CARMIL2: variants seen among roughly 807,000 people sequenced by gnomAD.
CARMIL2 encodes the protein capping protein regulator and myosin 1 linker 2.
CARMIL2 carries 96 observed loss-of-function variants against 173.3 expected under a neutral mutation model. The observed-to-expected ratio is 0.55, with a 90% CI of 0.47 to 0.66. The LOEUF is 0.66. Ranked by LOEUF, CARMIL2 falls within the 30% of genes least tolerant of loss-of-function variation. The probability of loss-of-function intolerance (pLI) is 0.00; values close to 1 mark genes in which losing one functional copy is unlikely to be tolerated. For missense variants in CARMIL2, 1,771 were observed against 1,906.7 expected (o/e 0.93, Z 1.33); for synonymous variants, 830 against 817.1 (o/e 1.02, Z -0.27).
chr16:67,651,344 C>T lies in CARMIL2; in HGVS notation c.2313+29C>T, dbSNP rs1322851558. 6.2e-7 allele frequency: 1 copy of T among 1,610,118 alleles called. No individual in the cohort carries two copies. Among genetic ancestry groups the T allele is most frequent in the African/African-American group, 1.3e-5 (1 of 74,862 alleles). On this transcript the variant is annotated intron_variant, in intron 23 of 37. Transcript: ENST00000334583. The surrounding 1 kb of genome is among the most constrained non-coding windows in gnomAD (Gnocchi z 4.2). The stretch of plus-strand genomic sequence containing the variant: ...AGCACTCCCCCTCCTGCTACAAGGA[C>T]CCTTCCCCTCTTAGTCAGGTGTCAG...
rs376791481 is a variant in CARMIL2 at position 67,649,397 on chromosome 16, C to T, written c.1747-50C>T. 8 of 1,609,702 alleles carry T rather than the reference C, an allele frequency of 5.0e-6. No individual in the cohort carries two copies. Among genetic ancestry groups the T allele is most frequent in the Middle Eastern group, 1.6e-4 (1 of 6,082 alleles). On this transcript the variant is annotated intron_variant, in intron 19 of 37. Transcript: ENST00000334583. This position sits in a 1 kb window ranked among gnomAD's most constrained non-coding sequence, Gnocchi z 6.7. ...TTGTTCCCTCAGACCCTGTGACCTG[C>T]CCTCACTGACCCCTGACTCCAGCCA... is the stretch of plus-strand genomic sequence containing the variant.
At position 67,652,542 on chromosome 16, in the gene CARMIL2, A is replaced by T. The variant is rs1181089424; in HGVS notation, c.2884+4A>T. The stretch of plus-strand genomic sequence containing the variant: ...CACCTGGTCCCCTTCATTCACAGTA[A>T]GTCAGGGCCTTGGGGGAGGGAGTTT... On this transcript the variant is annotated splice_donor_region_variant and intron_variant, in intron 28 of 37. Coordinates refer to ENST00000334583, the MANE Select transcript of CARMIL2 (RefSeq NM_001013838.3). This position sits in a 1 kb window ranked among gnomAD's most constrained non-coding sequence, Gnocchi z 4.7. The T allele has an allele frequency of 6.2e-7, 1 of 1,612,998 alleles. No homozygotes were observed. The highest frequency in any genetic ancestry group is 8.5e-7 in the Non-Finnish European group (1 of 1,179,604).
At position 67,652,116 on chromosome 16, in the gene CARMIL2, G is replaced by T. The variant is rs2052736463; in HGVS notation, c.2677-83G>T. On this transcript the variant is annotated intron_variant, in intron 26 of 37. Coordinates refer to ENST00000334583, the MANE Select transcript of CARMIL2 (RefSeq NM_001013838.3). This position sits in a 1 kb window ranked among gnomAD's most constrained non-coding sequence, Gnocchi z 4.7. ...GTCTTCTGGGGTCATGTAGCCCAGG[G>T]CTATTTCAGGGTCCCCTTAGTTAGC... 6.3e-7 allele frequency: 1 copy of T among 1,596,342 alleles called. No homozygotes were observed. The highest frequency in any genetic ancestry group is 1.7e-5 in the Admixed American group (1 of 59,520).
Position 67,646,376 on chromosome 16 carries a change from A to G in CARMIL2, c.375-50A>G. 6.2e-7 allele frequency: 1 copy of G among 1,607,354 alleles called. No individual in the cohort carries two copies. The highest frequency in any genetic ancestry group is 8.5e-7 in the Non-Finnish European group (1 of 1,175,496). ...GAGTGCATGAGAAGGGCTGCTTCCCATCCCAGAGGCTGGAAGTCCTTTGCC... is the reference window on the plus strand; with the variant it reads ...GAGTGCATGAGAAGGGCTGCTTCCCGTCCCAGAGGCTGGAAGTCCTTTGCC... On this transcript the variant is annotated intron_variant, in intron 5 of 37. Transcript: ENST00000334583. The surrounding 1 kb of genome is among the most constrained non-coding windows in gnomAD (Gnocchi z 4.6).
chr16:67,645,666 G>A (rs1415966557), intron 2 of CARMIL2, 35 bp downstream of exon 2: 1 of 1,612,596 alleles, frequency 6.2e-7, no homozygotes, highest in Non-Finnish European at 8.5e-7. Context: ...GGAGGCGGCT[G>A]TGGCCCCACA....
rs1160351520 is a variant in CARMIL2 at position 67,648,646 on chromosome 16, G to A, written c.1440-39G>A. On this transcript the variant is annotated intron_variant, in intron 15 of 37. Transcript: ENST00000334583. The surrounding 1 kb of genome is among the most constrained non-coding windows in gnomAD (Gnocchi z 6.1). The stretch of plus-strand genomic sequence containing the variant: ...CTTCGTTCGCACCCTGGAGCCCCCT[G>A]TCCCAGCTCCCGCCACCCCGTGTAA... 1 of 1,575,834 alleles carries A rather than the reference G, an allele frequency of 6.3e-7. No individual in the cohort carries two copies. Among genetic ancestry groups the A allele is most frequent in the Non-Finnish European group, 8.6e-7 (1 of 1,159,548 alleles).
chr16:67,648,954 C>A lies in CARMIL2; in HGVS notation c.1571C>A (p.Ser524Tyr). 1 of 1,609,874 alleles carries A rather than the reference C, an allele frequency of 6.2e-7. No individual in the cohort carries two copies. The highest frequency in any genetic ancestry group is 8.5e-7 in the Non-Finnish European group (1 of 1,178,326). The change falls in exon 17 of 38, where the codon TCC becomes TAC. Residue 524 changes from serine to tyrosine, a missense_variant. Ser to Tyr is a moderately radical substitution (Grantham distance 144). Transcript: ENST00000334583. This position sits in a 1 kb window ranked among gnomAD's most constrained non-coding sequence, Gnocchi z 6.1. ...GTGTGCGACGCAGGCGCTGTGAGCT[C>A]CCTGGATCTGGCGGATAACGGTGAG... ...DLVCDAGAVS[S>Y]LDLADNGFGS...
chr16:67,647,495 G>A lies in CARMIL2; in HGVS notation c.777-13G>A. 1.3e-6 allele frequency: 2 copies of A among 1,592,458 alleles called. No homozygotes were observed. Among genetic ancestry groups the A allele is most frequent in the Non-Finnish European group, 1.7e-6 (2 of 1,169,844 alleles). On this transcript the variant is annotated splice_polypyrimidine_tract_variant and intron_variant, in intron 10 of 37. Transcript: ENST00000334583. ...CCAGGGGCAGAATCTCATGCCTGGG[G>A]TCTGGTCCCCAGAGACTTTGTCCGA...
At position 67,654,352 on chromosome 16, in the gene CARMIL2, C is replaced by G. The variant is rs777560162; in HGVS notation, c.3242C>G (p.Pro1081Arg). Residue 1081 changes from proline to arginine, a missense_variant, in exon 31 of 38, where the codon CCG (proline) becomes CGG (arginine). Physicochemically the swap from Pro to Arg is moderately radical, Grantham distance 103 (BLOSUM62 -2). Transcript: ENST00000334583. The stretch of plus-strand genomic sequence containing the variant: ...CACAGCTGGGCCCCCGAGGAGGACC[C>G]GGCCACTGAGGGGGGCGCCACTCCT... ...QDRLWAPEEDPATEGGATPVP... is the reference protein window; with the variant it reads ...QDRLWAPEEDRATEGGATPVP... 1 of 1,598,450 alleles carries G rather than the reference C, an allele frequency of 6.3e-7. No individual in the cohort carries two copies. Among genetic ancestry groups the G allele is most frequent in the African/African-American group, 1.3e-5 (1 of 74,710 alleles).
chr16:67,646,202 A>T lies in CARMIL2; in HGVS notation c.266A>T (p.Glu89Val), dbSNP rs1031703523. The T allele has an allele frequency of 2.5e-6, 4 of 1,613,684 alleles. No homozygotes were observed. The African/African-American group carries it at 4.0e-5, about 16-fold the overall frequency. ...ETPPQVTFEL[E>V]SLRELVLEFP... ...CTTCCCTAGGTCACCTTTGAGCTGG[A>T]GTCCCTGCGTGAGCTGGTCCTGGAG... Residue 89 changes from glutamate (E) to valine (V), a missense_variant, in exon 5 of 38, where the codon GAG becomes GTG. By Grantham distance (121) the Glu-to-Val change is moderately radical. Coordinates refer to ENST00000334583, the MANE Select transcript of CARMIL2 (RefSeq NM_001013838.3). The surrounding 1 kb of genome is among the most constrained non-coding windows in gnomAD (Gnocchi z 4.6).
At chr16:67,647,420 A>C in intron 10 of CARMIL2, 33 bp downstream of exon 10, 8 of 1,560,352 alleles carry the variant, frequency 5.1e-6, no homozygotes, top group Non-Finnish European at 6.9e-6. Flanking sequence ...TGGAGAGGAG[A>C]GTCTGGAGGC....
Position 67,653,065 on chromosome 16 carries a change from A to G in CARMIL2, c.2931A>G (p.Gly977=). The G allele has an allele frequency of 7.9e-7, 1 of 1,261,990 alleles. No individual in the cohort carries two copies. Among genetic ancestry groups the G allele is most frequent in the Non-Finnish European group, 1.0e-6 (1 of 993,436 alleles). The allele number at this position is 1,261,990 out of a possible 1,614,324, so 78.2% of individuals were successfully genotyped here. A position where few individuals can be genotyped will look rare whatever the true frequency, so the allele number is the denominator to read the frequency against. Residue 977 remains glycine (G), a synonymous_variant, in exon 29 of 38, where the codon GGA becomes GGG. Coordinates refer to ENST00000334583, the MANE Select transcript of CARMIL2 (RefSeq NM_001013838.3). This position sits in a 1 kb window ranked among gnomAD's most constrained non-coding sequence, Gnocchi z 7.4. ...AEPEPELAAP[G]EDAEPQAGPS... ...CGGAGCCCGAGCTGGCGGCTCCGGGAGAAGATGCAGAGCCGCAGGCGGGGC... is the reference window on the plus strand; with the variant it reads ...CGGAGCCCGAGCTGGCGGCTCCGGGGGAAGATGCAGAGCCGCAGGCGGGGC...
rs987082146 is a variant in CARMIL2, at chr16:67,653,771, G to A, written c.3121-378G>A. ...GGCGCCACTGAGCCGGCAGCAGGCCGGGTGGAGTGGGGGTGGGGTGGGGGA... is the reference window on the plus strand; with the variant it reads ...GGCGCCACTGAGCCGGCAGCAGGCCAGGTGGAGTGGGGGTGGGGTGGGGGA... On this transcript the variant is annotated intron_variant, in intron 29 of 37. Transcript: ENST00000334583. The surrounding 1 kb of genome is among the most constrained non-coding windows in gnomAD (Gnocchi z 7.4). Among the ~76,000 whole-genome samples, 4 of 152,104 alleles carry A rather than the reference G, an allele frequency of 2.6e-5. No individual in the cohort carries two copies. The highest frequency in any genetic ancestry group is 4.4e-5 in the Non-Finnish European group (3 of 67,994).
rs1331303433 is a variant in CARMIL2, at chr16:67,652,013, G to A, written c.2676+5G>A. ...AGTGCAGCCCGGGATCAGCTGGTGA[G>A]GGGGAGATGTGCACACACTTTCGTG... On this transcript the variant is annotated splice_donor_5th_base_variant and intron_variant, in intron 26 of 37. Transcript: ENST00000334583. This position sits in a 1 kb window ranked among gnomAD's most constrained non-coding sequence, Gnocchi z 4.7. 1.2e-6 allele frequency: 2 copies of A among 1,613,242 alleles called. No homozygotes were observed. The highest frequency in any genetic ancestry group is 8.5e-7 in the Non-Finnish European group (1 of 1,179,674).
Position 67,648,974 on chromosome 16 carries a change from G to C in CARMIL2, c.1591G>C (p.Gly531Arg), listed in dbSNP as rs1216862567. Residue 531 changes from glycine (G) to arginine (R), a missense_variant and splice_region_variant, in exon 17 of 38, where the codon GGC (glycine) becomes CGC (arginine). Coordinates refer to ENST00000334583, the MANE Select transcript of CARMIL2 (RefSeq NM_001013838.3). This position sits in a 1 kb window ranked among gnomAD's most constrained non-coding sequence, Gnocchi z 6.1. ...AVSSLDLADN[G>R]FGSDMVTLVL... The stretch of plus-strand genomic sequence containing the variant: ...GAGCTCCCTGGATCTGGCGGATAAC[G>C]GTGAGGCTGCAGGAGAGCCCATCCT... 1 of 1,608,176 alleles carries C rather than the reference G, an allele frequency of 6.2e-7. No individual in the cohort carries two copies. The highest frequency in any genetic ancestry group is 8.5e-7 in the Non-Finnish European group (1 of 1,177,666).
At chr16:67,656,368 T>A in intron 34 of CARMIL2, 56 bp from the exon 35 acceptor site, 1 of 1,608,550 alleles carries the variant, frequency 6.2e-7, no homozygotes, top group Non-Finnish European at 8.5e-7. Flanking sequence ...CAGACTGTTG[T>A]TCAGACCTAT....
intron 30 of CARMIL2, 32 bp from the exon 31 acceptor site, chr16:67,654,300 G>A (rs1368528403): frequency 6.3e-7 from 1 of 1,580,542 alleles, no homozygotes; most frequent in South Asian, 1.2e-5. Context: ...TGCCTGATGG[G>A]CTTTCTCGCT....
rs1206211598 is a variant in CARMIL2, at chr16:67,656,426, C to T, written c.3817C>T (p.Pro1273Ser). 2 of 1,609,032 alleles carry T rather than the reference C, an allele frequency of 1.2e-6. No individual in the cohort carries two copies. Among genetic ancestry groups the T allele is most frequent in the South Asian group, 2.2e-5 (2 of 90,596 alleles). Residue 1273 changes from proline to serine, a missense_variant and splice_region_variant, in exon 35 of 38, where the codon CCT (proline) becomes TCT (serine). By Grantham distance (74) the Pro-to-Ser change is moderately conservative. Coordinates refer to ENST00000334583, the MANE Select transcript of CARMIL2 (RefSeq NM_001013838.3). ...GGCTGACACCTTTCTCCCTACAGACCCTTCCTGCAGACCTGGCCCAGGGAG... is the reference window on the plus strand; with the variant it reads ...GGCTGACACCTTTCTCCCTACAGACTCTTCCTGCAGACCTGGCCCAGGGAG... ...KSRTHSVSADPSCRPGPGSQG... is the reference protein window; with the variant it reads ...KSRTHSVSADSSCRPGPGSQG...
Position 67,650,122 on chromosome 16 carries a change from T to C in CARMIL2, c.2156T>C (p.Leu719Pro). The change falls in exon 22 of 38, where the codon CTT becomes CCT. Residue 719 changes from leucine to proline, a missense_variant. Coordinates refer to ENST00000334583, the MANE Select transcript of CARMIL2 (RefSeq NM_001013838.3). ...SSDHTTRLQP[L>P]GLVSDPSEQE... ...GACCACACGACCCGCCTTCAGCCAC[T>C]TGGTCTGGTCTCAGACCCCTCAGAG... 6.2e-7 allele frequency: 1 copy of C among 1,613,286 alleles called. No individual in the cohort carries two copies. The highest frequency in any genetic ancestry group is 8.5e-7 in the Non-Finnish European group (1 of 1,179,726).
Sources: gnomAD v4.1 joint callset for allele counts (sites outside exome capture counted in the v4.1 genomes callset) on GRCh38, gnomAD v4.1.1 for gene constraint, Gnocchi (gnomAD v3.1) non-coding constraint, MANE v1.5 for transcripts, NCBI Gene and HGNC (gene_info 2026-07-23, HGNC 2026-07-21) for gene names.